The following GPR119 variants were observed in gnomAD, a reference collection of about 807,000 sequenced individuals.
The protein encoded by GPR119 is G protein-coupled receptor 119, also known as glucose-dependent insulinotropic receptor.
In GPR119, 7 loss-of-function variants were observed where a neutral mutation model predicts 13.3. The observed-to-expected ratio is 0.53, with a 90% CI of 0.30 to 0.99. The LOEUF (loss-of-function observed/expected upper bound fraction) is 0.99, where lower values mean the gene tolerates loss of function less well. GPR119 is among the 50% of genes least tolerant of loss of function. GPR119 has a pLI of 0.06. For synonymous variants in GPR119, 107 were observed against 112.5 expected (o/e 0.95, Z 0.31); for missense variants, 197 against 263.0 (o/e 0.75, Z 1.74).
chrX:130,380,404 C>G lies in GPR119; in HGVS notation c.*2152G>C, dbSNP rs932161793. Among the ~76,000 whole-genome samples, 5 of 112,642 alleles carry G rather than the reference C, an allele frequency of 4.4e-5. No individual in the cohort carries two copies. The highest frequency in any genetic ancestry group is 1.6e-4 in the African/African-American group (5 of 31,008). ...GTGTGTTGGTCAGGGTAACCTGCCT[C>G]TAACACTTGTGAAACCACTTAAAAC... On this transcript the variant is annotated 3_prime_UTR_variant, in exon 2 of 2. Transcript: ENST00000682440.
rs1380281752 is a variant in GPR119 at position 130,380,350 on chromosome X, G to T, written c.*2206C>A. 8.9e-6 allele frequency among the ~76,000 whole-genome samples: 1 copy of T among 112,033 alleles called. No individual in the cohort carries two copies. Among genetic ancestry groups the T allele is most frequent in the Non-Finnish European group, 1.9e-5 (1 of 53,249 alleles). Reference sequence around the variant, plus strand: ...AGAAGATATCCCAAGGCTATCTCTGGCTGACACTGGACATATGGACAAGCA... The same window carrying T: ...AGAAGATATCCCAAGGCTATCTCTGTCTGACACTGGACATATGGACAAGCA... On this transcript the variant is annotated 3_prime_UTR_variant, in exon 2 of 2. Transcript: ENST00000682440.
chrX:130,382,059 AT>A lies in GPR119; in HGVS notation c.*496del, dbSNP rs200733951. ...CTTTTCTGTACTTAAAAATATATAT[AT>A]TTTTTATTTTTAATTGACAAATAAT... On this transcript the variant is annotated 3_prime_UTR_variant, in exon 2 of 2. Coordinates refer to ENST00000682440, the MANE Select transcript of GPR119 (RefSeq NM_178471.3). Among the ~76,000 whole-genome samples, 1,786 of 110,207 alleles carry A rather than the reference AT, an allele frequency of 0.016. 39 individuals carry two copies. Among genetic ancestry groups the A allele is most frequent in the African/African-American group, 0.057 (1,708 of 30,220 alleles).
rs2034359312 is a variant in GPR119 at position 130,381,610 on chromosome X, A to C, written c.*946T>G. 8.9e-6 allele frequency among the ~76,000 whole-genome samples: 1 copy of C among 111,761 alleles called. No homozygotes were observed. The highest frequency in any genetic ancestry group is 1.9e-5 in the Non-Finnish European group (1 of 53,177). On this transcript the variant is annotated 3_prime_UTR_variant, in exon 2 of 2. Transcript: ENST00000682440. ...CTCATCACTCATTTTTAAAAATCTT[A>C]TTCAGAGGTTGAGGAATTTACAGTT...
rs1374758214 is a variant in GPR119, at chrX:130,385,634, T to C, written c.-187A>G. Among the ~76,000 whole-genome samples the C allele has an allele frequency of 9.0e-6, 1 of 110,798 alleles. No individual in the cohort carries two copies. ...TCATGAAGAATTACTCACCCTCTCTTTTCAGTCCTCAGCCTCCTGCCTCTC... is the reference window on the plus strand; with the variant it reads ...TCATGAAGAATTACTCACCCTCTCTCTTCAGTCCTCAGCCTCCTGCCTCTC... On this transcript the variant is annotated 5_prime_UTR_variant, in exon 1 of 2. Coordinates refer to ENST00000682440, the MANE Select transcript of GPR119 (RefSeq NM_178471.3).
intron 1 of GPR119, among the ~76,000 whole-genome samples, 26 bp from the exon 2 acceptor site, chrX:130,382,577 T>C (rs900316474): frequency 9.0e-5 from 10 of 111,229 alleles, no homozygotes; most frequent in Admixed American, 6.7e-4. Context: ...CAAAAGTGGG[T>C]TGATGTGTAT....
rs1215835452 is a variant in GPR119 at position 130,381,881 on chromosome X, G to A, written c.*675C>T. Among the ~76,000 whole-genome samples, 1 of 111,116 alleles carries A rather than the reference G, an allele frequency of 9.0e-6. No homozygotes were observed. The highest frequency in any genetic ancestry group is 1.9e-5 in the Non-Finnish European group (1 of 53,052). ...TTGATGAATGCGAGATCTAGTTTGA[G>A]AATTTAAATGACTGAATTATCATTT... On this transcript the variant is annotated 3_prime_UTR_variant, in exon 2 of 2. Transcript: ENST00000682440.
At position 130,381,797 on chromosome X, in the gene GPR119, A is replaced by G. The variant is rs2034360032; in HGVS notation, c.*759T>C. ...GCTGTAGTTTACTAGATATTTACAT[A>G]TACATTATCTGAGTTAATCTTCAAT... On this transcript the variant is annotated 3_prime_UTR_variant, in exon 2 of 2. Transcript: ENST00000682440. 8.9e-6 allele frequency among the ~76,000 whole-genome samples: 1 copy of G among 112,040 alleles called. No individual in the cohort carries two copies. The highest frequency in any genetic ancestry group is 9.5e-5 in the Admixed American group (1 of 10,543).
At position 130,384,663 on chromosome X, in the gene GPR119, C is replaced by G; in HGVS notation, c.785G>C (p.Arg262Pro). 1 of 1,211,690 alleles carries G rather than the reference C, an allele frequency of 8.3e-7. No individual in the cohort carries two copies. Among genetic ancestry groups the G allele is most frequent in the Non-Finnish European group, 1.1e-6 (1 of 895,442 alleles). ...GCCCACGCCGAGCAGCCACAGGTAC[C>G]GTTCCAGCACTAGGTAGAGGTGACA... ...QECHLYLVLE[R>P]YLWLLGVGNS... Residue 262 changes from arginine to proline, a missense_variant, in exon 1 of 2, where the codon CGG (arginine) becomes CCG (proline). Transcript: ENST00000682440.
chrX:130,384,672 A>C lies in GPR119; in HGVS notation c.776T>G (p.Val259Gly). 8.3e-7 allele frequency: 1 copy of C among 1,211,938 alleles called. No homozygotes were observed. Among genetic ancestry groups the C allele is most frequent in the Non-Finnish European group, 1.1e-6 (1 of 895,535 alleles). Reference sequence around the variant, plus strand: ...GAGCAGCCACAGGTACCGTTCCAGCACTAGGTAGAGGTGACACTCCTGGCA... The same window carrying C: ...GAGCAGCCACAGGTACCGTTCCAGCCCTAGGTAGAGGTGACACTCCTGGCA... ...VACQECHLYL[V>G]LERYLWLLGV... Residue 259 changes from valine to glycine, a missense_variant, in exon 1 of 2, where the codon GTG becomes GGG. By Grantham distance (109) the Val-to-Gly change is moderately radical. Coordinates refer to ENST00000682440, the MANE Select transcript of GPR119 (RefSeq NM_178471.3).
rs1277716248 is a variant in GPR119, at chrX:130,385,281, A to C, written c.167T>G (p.Val56Gly). The C allele has an allele frequency of 8.3e-7, 1 of 1,212,080 alleles. No individual in the cohort carries two copies. The highest frequency in any genetic ancestry group is 3.0e-5 in the East Asian group (1 of 33,868). The change falls in exon 1 of 2, where the codon GTG (valine) becomes GGG (glycine). Residue 56 changes from valine (V) to glycine (G), a missense_variant. Val to Gly is a moderately radical substitution (Grantham distance 109). Coordinates refer to ENST00000682440, the MANE Select transcript of GPR119 (RefSeq NM_178471.3). ...GTCTGTGAGTAGGCCAGAGATGGCC[A>C]CACCAATCAAGGTGTCAGCCACAGC... ...NLAVADTLIG[V>G]AISGLLTDQL... is the part of the protein sequence containing the mutation.
Position 130,381,882 on chromosome X carries a change from A to G in GPR119, c.*674T>C, listed in dbSNP as rs1286520472. Among the ~76,000 whole-genome samples the G allele has an allele frequency of 1.8e-5, 2 of 111,140 alleles. No homozygotes were observed. The highest frequency in any genetic ancestry group is 3.8e-5 in the Non-Finnish European group (2 of 53,060). On this transcript the variant is annotated 3_prime_UTR_variant, in exon 2 of 2. Transcript: ENST00000682440. ...TGATGAATGCGAGATCTAGTTTGAG[A>G]ATTTAAATGACTGAATTATCATTTG...
chrX:130,384,522 G>A lies in GPR119; in HGVS notation c.926C>T (p.Ser309Leu), dbSNP rs5975187. The change falls in exon 1 of 2, where the codon TCG (serine) becomes TTG (leucine). Residue 309 changes from serine (S) to leucine (L), a missense_variant. Coordinates refer to ENST00000682440, the MANE Select transcript of GPR119 (RefSeq NM_178471.3). Reference protein sequence around the residue: ...KVLTSFLLFLSARNCGPERPR... With the variant: ...KVLTSFLLFLLARNCGPERPR... ...CCTCTCTGGGCCACAATTCCTGGCCGAGAGAAAGAGGAGGAATGAGGTGAG... is the reference window on the plus strand; with the variant it reads ...CCTCTCTGGGCCACAATTCCTGGCCAAGAGAAAGAGGAGGAATGAGGTGAG... The A allele has an allele frequency of 1.4e-3, 1,696 of 1,209,561 alleles. 18 individuals carry two copies. In the African/African-American group the frequency reaches 0.026, roughly 19 times the overall value.
Position 130,385,406 on chromosome X carries a change from C to T in GPR119, c.42G>A (p.Leu14=). The T allele has an allele frequency of 8.3e-7, 1 of 1,211,311 alleles. No homozygotes were observed. Among genetic ancestry groups the T allele is most frequent in the Non-Finnish European group, 1.1e-6 (1 of 895,137 alleles). The change falls in exon 1 of 2, where the codon CTG becomes CTA. Residue 14 remains leucine (L), a synonymous_variant. Coordinates refer to ENST00000682440, the MANE Select transcript of GPR119 (RefSeq NM_178471.3). ...SFSFGVILAV[L]ASLIIATNTL... Reference sequence around the variant, plus strand: ...TGTTAGTAGCAATGATGAGGGAGGCCAGGACAGCAAGGATCACTCCAAATG... The same window carrying T: ...TGTTAGTAGCAATGATGAGGGAGGCTAGGACAGCAAGGATCACTCCAAATG...
chrX:130,384,397 G>C (rs2034371602), intron 1 of GPR119, 39 bp downstream of exon 1: 1 of 1,150,788 alleles, frequency 8.7e-7, no homozygotes, highest in South Asian at 2.0e-5. Flanking sequence ...GCTCCAGAGT[G>C]GGGAGGAGAA....
chrX:130,384,321 TG>T, intron 1 of GPR119, 114 bp downstream of exon 1: 1 of 649,824 alleles, frequency 1.5e-6, no homozygotes, highest in Non-Finnish European at 2.4e-6. Flanking sequence ...TGGGGGATGC[TG>T]GGACAGGGGT....
rs201547685 is a variant in GPR119 at position 130,385,236 on chromosome X, C to T, written c.212G>A (p.Arg71Gln). The T allele has an allele frequency of 3.6e-5, 44 of 1,210,430 alleles. No homozygotes were observed. The African/African-American group carries it at 5.8e-4, about 16-fold the overall frequency. ...LLTDQLSSPS[R>Q]PTQKTLCSLR... Reference sequence around the variant, plus strand: ...GCTGCACAGGGTCTTCTGTGTGGGCCGAGAAGGGCTGGAGAGCTGGTCTGT... The same window carrying T: ...GCTGCACAGGGTCTTCTGTGTGGGCTGAGAAGGGCTGGAGAGCTGGTCTGT... The change falls in exon 1 of 2, where the codon CGG becomes CAG. Residue 71 changes from arginine to glutamine, a missense_variant. Transcript: ENST00000682440.
intron 1 of GPR119, among the ~76,000 whole-genome samples, chrX:130,384,110 C>A (rs2034369959): frequency 8.9e-6 from 1 of 112,551 alleles, no homozygotes; most frequent in Admixed American, 9.4e-5. Flanking sequence ...TTGGACAGTG[C>A]TGCTCTGGTA....
At position 130,381,145 on chromosome X, in the gene GPR119, TTTTG is replaced by T. The variant is rs1556356332; in HGVS notation, c.*1407_*1410del. Reference sequence around the variant, plus strand: ...AACACAGTGTTGTTGCTGTTTTTTTTTTTGTTTGTTTGTTTGTTTTTTTGAGACG... The same window carrying T: ...AACACAGTGTTGTTGCTGTTTTTTTTTTTGTTTGTTTGTTTTTTTGAGACG... On this transcript the variant is annotated 3_prime_UTR_variant, in exon 2 of 2. Coordinates refer to ENST00000682440, the MANE Select transcript of GPR119 (RefSeq NM_178471.3). Among the ~76,000 whole-genome samples the T allele has an allele frequency of 6.4e-5, 7 of 109,574 alleles. No homozygotes were observed. Among genetic ancestry groups the T allele is most frequent in the East Asian group, 5.8e-4 (2 of 3,474 alleles).
chrX:130,385,330 T>C lies in GPR119; in HGVS notation c.118A>G (p.Ser40Gly). ...LLLIHKNDGVSLCFTLNLAVA... is the reference protein window; with the variant it reads ...LLLIHKNDGVGLCFTLNLAVA... ...GCCAGATTCAAGGTGAAGCAGAGAC[T>C]GACACCATCATTCTTGTGGATCAAC... Residue 40 changes from serine to glycine, a missense_variant, in exon 1 of 2, where the codon AGT (serine) becomes GGT (glycine). Transcript: ENST00000682440. 8.3e-7 allele frequency: 1 copy of C among 1,212,057 alleles called. No individual in the cohort carries two copies. The highest frequency in any genetic ancestry group is 1.1e-6 in the Non-Finnish European group (1 of 895,504).
Sources: gnomAD v4.1 joint callset for allele counts (sites outside exome capture counted in the v4.1 genomes callset) on GRCh38, gnomAD v4.1.1 for gene constraint, MANE v1.5 for transcripts, NCBI Gene and HGNC (gene_info 2026-07-23, HGNC 2026-07-21) for gene names.